GPC5: variants seen among roughly 807,000 people sequenced by gnomAD.
GPC5 encodes the protein glypican 5, also known as glypican-5.
GPC5 carries 47 observed loss-of-function variants against 53.9 expected under a neutral mutation model. That is an observed-to-expected ratio of 0.87 (90% CI 0.69 to 1.11). GPC5 has a LOEUF of 1.11. Among genes scored for constraint, GPC5 ranks in the 50% most tolerant of loss-of-function variants. GPC5 has a pLI of 0.00. For missense variants in GPC5, 748 were observed against 713.1 expected (o/e 1.05, Z -0.56); for synonymous variants, 286 against 263.3 (o/e 1.09, Z -0.84).
intron 2 of GPC5, among the ~76,000 whole-genome samples, chr13:91,579,572 G>A (rs2032269934): frequency 6.7e-6 from 1 of 149,780 alleles, no homozygotes; most frequent in African/African-American, 2.5e-5. Context: ...TACTCCTTAA[G>A]CTCTTACAGT....
intron 7 of GPC5, among the ~76,000 whole-genome samples, chr13:92,573,838 A>C (rs1451355604): frequency 1.3e-5 from 2 of 152,130 alleles, no homozygotes; most frequent in Admixed American, 1.3e-4. Flanking sequence ...GCAGCATACC[A>C]ATGTCTTCAT....
chr13:91,598,337 CTT>C (rs1233894120), intron 2 of GPC5, among the ~76,000 whole-genome samples: 9 of 150,812 alleles, frequency 6.0e-5, no homozygotes, highest in African/African-American at 1.7e-4. Flanking sequence ...AAAAAAAACT[CTT>C]AAATTATATA....
chr13:91,660,930 T>A (rs572140920), intron 2 of GPC5, among the ~76,000 whole-genome samples: 1 of 152,226 alleles, frequency 6.6e-6, no homozygotes, highest in Non-Finnish European at 1.5e-5. Flanking sequence ...ATCTACTATG[T>A]ACAAGGCAAT....
chr13:92,744,919 T>C (rs905987494), intron 7 of GPC5, among the ~76,000 whole-genome samples: 1 of 152,058 alleles, frequency 6.6e-6, no homozygotes, highest in Non-Finnish European at 1.5e-5. Context: ...TTGATGACTT[T>C]ATAACTGTGT....
chr13:92,169,022 C>G (rs559318865), intron 7 of GPC5, among the ~76,000 whole-genome samples: 2 of 152,240 alleles, frequency 1.3e-5, no homozygotes, highest in South Asian at 4.2e-4. Context: ...AGATCATGTC[C>G]TTAGCAGGGA....
chr13:91,432,449 T>C (rs1879567375), intron 1 of GPC5, among the ~76,000 whole-genome samples: 1 of 152,174 alleles, frequency 6.6e-6, no homozygotes, highest in Non-Finnish European at 1.5e-5. Flanking sequence ...TGTGGTTTTG[T>C]ATGAACATTA....
intron 7 of GPC5, among the ~76,000 whole-genome samples, chr13:92,675,157 G>A (rs1163941263): frequency 2.1e-5 from 2 of 93,440 alleles, no homozygotes; most frequent in Admixed American, 2.0e-4. Context: ...GAAATTATCA[G>A]AGAGTTATAA....
intron 7 of GPC5, among the ~76,000 whole-genome samples, chr13:92,344,882 A>G (rs150178140): frequency 5.3e-5 from 8 of 152,146 alleles, no homozygotes; most frequent in African/African-American, 1.9e-4. Flanking sequence ...CTTTTTTCAT[A>G]TATTAGCTGA....
In GPC5 at chr13:92,485,997, T is replaced by A. The variant is rs560137075; in HGVS notation, c.1561+341008T>A. ...AAAGAAAAGAGATATTTAAAAATTA[T>A]GTAGTTAGATTGACTAATGCCAGCA... On this transcript the variant is annotated intron_variant, in intron 7 of 7. Transcript: ENST00000377067. Among the ~76,000 whole-genome samples the A allele has an allele frequency of 5.0e-4, 76 of 152,254 alleles. No individual in the cohort carries two copies. In the Middle Eastern group the frequency reaches 0.01, roughly 20 times the overall value.
intron 2 of GPC5, among the ~76,000 whole-genome samples, chr13:91,578,363 G>A (rs2139069238): frequency 6.6e-6 from 1 of 152,264 alleles, no homozygotes; most frequent in South Asian, 2.1e-4. Context: ...ATAGCTTTCA[G>A]GTAATGTCTT....
intron 4 of GPC5, among the ~76,000 whole-genome samples, chr13:91,747,158 A>G (rs1363595471): frequency 4.6e-5 from 7 of 152,224 alleles, no homozygotes; most frequent in Admixed American, 4.6e-4. Context: ...TTACTTTTAT[A>G]ATTAAACATG....
At chr13:92,162,374 TG>T (rs994492580) in intron 7 of GPC5, among the ~76,000 whole-genome samples, 4 of 152,140 alleles carry the variant, frequency 2.6e-5, no homozygotes, top group African/African-American at 9.7e-5. Context: ...TTTCGGCCTC[TG>T]GGGGCTAAAG....
chr13:92,651,447 A>G (rs35708554), intron 7 of GPC5, among the ~76,000 whole-genome samples: 36,213 of 151,996 alleles, frequency 0.24, 5,017 homozygotes, highest in South Asian at 0.39. Flanking sequence ...TCAAATCCCA[A>G]TTGAGGGGCA....
chr13:92,809,572 G>T (rs1877219565), intron 7 of GPC5, among the ~76,000 whole-genome samples: 1 of 152,162 alleles, frequency 6.6e-6, no homozygotes, highest in Non-Finnish European at 1.5e-5. Context: ...CATGTGCAGA[G>T]GCCATGTTCC....
chr13:92,731,188 G>T (rs1385411627), intron 7 of GPC5, among the ~76,000 whole-genome samples: 1 of 151,314 alleles, frequency 6.6e-6, no homozygotes, highest in Non-Finnish European at 1.5e-5. Flanking sequence ...ATTAGAGCAG[G>T]TTGCTTATAT....
chr13:91,760,600 A>AT (rs1386445266), intron 5 of GPC5, among the ~76,000 whole-genome samples: 1 of 152,176 alleles, frequency 6.6e-6, no homozygotes, highest in Non-Finnish European at 1.5e-5. Flanking sequence ...TCTATTCTTC[A>AT]TTATAAGAGT....
intron 6 of GPC5, among the ~76,000 whole-genome samples, chr13:91,969,469 A>T (rs1352586070): frequency 3.3e-5 from 5 of 151,944 alleles, no homozygotes; most frequent in Non-Finnish European, 7.4e-5. Flanking sequence ...CTTGATGGTA[A>T]TTTTTTTTGA....
intron 7 of GPC5, among the ~76,000 whole-genome samples, chr13:92,292,055 T>C (rs2043000572): frequency 6.6e-6 from 1 of 152,226 alleles, no homozygotes; most frequent in South Asian, 2.1e-4. Flanking sequence ...CGGACACATA[T>C]ATACCATAGT....
intron 7 of GPC5, among the ~76,000 whole-genome samples, chr13:92,468,032 CCCA>C (rs1359532378): frequency 1.3e-5 from 2 of 152,070 alleles, no homozygotes; most frequent in Non-Finnish European, 2.9e-5. Flanking sequence ...GATTAACTTT[CCCA>C]CCTTTTTTTT....
Sources: allele counts gnomAD v4.1 joint callset (sites outside exome capture counted in the v4.1 genomes callset), GRCh38; gene constraint gnomAD v4.1.1; transcripts MANE v1.5; gene names NCBI Gene and HGNC (gene_info 2026-07-23, HGNC 2026-07-21).